The following MIR2052HG variants were observed in gnomAD, a reference collection of about 807,000 sequenced individuals.
MIR2052HG encodes MIR2052 host gene.
intron 2 of MIR2052HG, among the ~76,000 whole-genome samples, chr8:74,662,775 A>G (rs1305253924): frequency 6.6e-6 from 1 of 151,768 alleles, no homozygotes; most frequent in African/African-American, 2.4e-5. Flanking sequence ...GGAGGGGCTT[A>G]TGTGGGCACT....
chr8:74,664,012 T>A (rs1808893498), intron 2 of MIR2052HG, among the ~76,000 whole-genome samples: 2 of 152,124 alleles, frequency 1.3e-5, no homozygotes, highest in Admixed American at 1.3e-4. Context: ...CTAAGTGAAG[T>A]AATTCAGGAA....
At chr8:74,628,776 G>A (rs1216089739) in intron 2 of MIR2052HG, 4 of 152,118 alleles carry the variant, frequency 2.6e-5, no homozygotes, top group Non-Finnish European at 4.4e-5. Flanking sequence ...TAATTCAAGA[G>A]ACAATGAAAT....
At position 74,729,721 on chromosome 8, in the gene MIR2052HG, T is replaced by C. The variant is rs189983645; in HGVS notation, n.372-22720T>C. On this transcript the variant is annotated intron_variant and non_coding_transcript_variant, in intron 4 of 6. Transcript: ENST00000523442. ...GTCTCTTGAGCACATTAAAAATCCC[T>C]ATTACTTAAGGGAGATTTGCTATGC... 1.3e-3 allele frequency among the ~76,000 whole-genome samples: 196 copies of C among 152,306 alleles called. 1 individual carries two copies. In the East Asian group the frequency reaches 0.016, roughly 13 times the overall value.
At chr8:74,612,880 C>G (rs936356743) in exon 2 of MIR2052HG, 21 of 456,002 alleles carry the variant, frequency 4.6e-5, no homozygotes, top group Non-Finnish European at 7.9e-5. Flanking sequence ...GATCCAGAGA[C>G]AAAGGTGGCA....
intron 4 of MIR2052HG, among the ~76,000 whole-genome samples, chr8:74,723,125 T>C (rs976483335): frequency 3.8e-4 from 58 of 152,242 alleles, no homozygotes; most frequent in Non-Finnish European, 4.6e-4. Flanking sequence ...GAAAATGTCT[T>C]GCCTGTGTTT....
chr8:74,745,983 GC>G (rs1463745820), intron 4 of MIR2052HG, among the ~76,000 whole-genome samples: 3 of 152,136 alleles, frequency 2.0e-5, no homozygotes, highest in Non-Finnish European at 1.5e-5. Flanking sequence ...TGAGGCACTG[GC>G]TTTACTTGCT....
chr8:74,725,898 A>G (rs1369657613), intron 4 of MIR2052HG, among the ~76,000 whole-genome samples: 1 of 99,446 alleles, frequency 1.0e-5, no homozygotes, highest in Non-Finnish European at 2.5e-5. Flanking sequence ...AGGAGTGGGA[A>G]AAAAAACAGT....
At chr8:74,678,420 G>A (rs774946940) in intron 2 of MIR2052HG, among the ~76,000 whole-genome samples, 13 of 151,958 alleles carry the variant, frequency 8.6e-5, no homozygotes, top group East Asian at 3.9e-4. Context: ...AAAATTAGCC[G>A]GGTGTAGTGG....
chr8:74,704,741 TC>T (rs1383518635), intron 4 of MIR2052HG, among the ~76,000 whole-genome samples: 3 of 152,112 alleles, frequency 2.0e-5, no homozygotes, highest in Non-Finnish European at 4.4e-5. Flanking sequence ...TACTGAGATC[TC>T]CCAAATGGTT....
exon 4 of MIR2052HG, chr8:74,703,617 A>G (rs1473287896): frequency 6.6e-6 from 3 of 452,722 alleles, no homozygotes; most frequent in African/African-American, 2.0e-5. Flanking sequence ...TTGCTTATTG[A>G]ATATTACTGG....
chr8:74,685,392 G>A (rs1328212683), intron 2 of MIR2052HG, among the ~76,000 whole-genome samples: 5 of 152,208 alleles, frequency 3.3e-5, no homozygotes, highest in African/African-American at 9.6e-5. Flanking sequence ...TAAAGGGATC[G>A]CAGCTGGTTG....
chr8:74,629,890 G>A lies in MIR2052HG; in HGVS notation n.216+16950G>A, dbSNP rs143332311. ...TAAGCAAAGTCCACTCTCCTCTGCTGCAACTCAGCACCACCTTCTGATGTC... is the reference window on the plus strand; with the variant it reads ...TAAGCAAAGTCCACTCTCCTCTGCTACAACTCAGCACCACCTTCTGATGTC... On this transcript the variant is annotated intron_variant and non_coding_transcript_variant, in intron 2 of 6. Coordinates refer to ENST00000523442, the Ensembl canonical transcript of MIR2052HG. Among the ~76,000 whole-genome samples, 34 of 152,276 alleles carry A rather than the reference G, an allele frequency of 2.2e-4. No individual in the cohort carries two copies. In the East Asian group the frequency reaches 5.6e-3, roughly 25 times the overall value.
intron 2 of MIR2052HG, among the ~76,000 whole-genome samples, chr8:74,660,649 G>A (rs1346918090): frequency 6.6e-6 from 1 of 152,180 alleles, no homozygotes; most frequent in African/African-American, 2.4e-5. Context: ...AAAGGGTGTA[G>A]AGGACTTTCA....
intron 4 of MIR2052HG, among the ~76,000 whole-genome samples, chr8:74,726,582 A>T (rs1444968376): frequency 6.6e-6 from 1 of 152,238 alleles, no homozygotes; most frequent in African/African-American, 2.4e-5. Context: ...AAAGTAAATC[A>T]GATTAACTTG....
intron 2 of MIR2052HG, among the ~76,000 whole-genome samples, chr8:74,621,296 C>T (rs1382169930): frequency 1.3e-5 from 2 of 152,194 alleles, no homozygotes; most frequent in Non-Finnish European, 2.9e-5. Flanking sequence ...CCAATCTGTG[C>T]TTGTTACCCA....
chr8:74,649,431 A>C (rs1808729483), intron 2 of MIR2052HG, among the ~76,000 whole-genome samples: 1 of 152,172 alleles, frequency 6.6e-6, no homozygotes, highest in African/African-American at 2.4e-5. Flanking sequence ...AGAGGAAGAC[A>C]GTTCTAAAAA....
chr8:74,668,803 A>T (rs1207306670), intron 2 of MIR2052HG, among the ~76,000 whole-genome samples: 1 of 152,202 alleles, frequency 6.6e-6, no homozygotes, highest in East Asian at 1.9e-4. Flanking sequence ...GTTAATGGCA[A>T]ACTCAAGTGA....
At chr8:74,670,699 G>A (rs988146475) in intron 2 of MIR2052HG, among the ~76,000 whole-genome samples, 5 of 152,034 alleles carry the variant, frequency 3.3e-5, no homozygotes, top group Admixed American at 1.3e-4. Flanking sequence ...TCAGGAAGTT[G>A]GTATATGGTT....
At chr8:74,612,803 A>C (rs1334248886) in intron 1 of MIR2052HG, 20 of 437,066 alleles carry the variant, frequency 4.6e-5, no homozygotes, top group South Asian at 3.1e-4. Flanking sequence ...TAAAAGAAGC[A>C]GGAAAAATAA....
Sources: gnomAD v4.1 joint callset for allele counts (sites outside exome capture counted in the v4.1 genomes callset) on GRCh38, gnomAD v4.1.1 for gene constraint, MANE v1.5 for transcripts, NCBI Gene and HGNC (gene_info 2026-07-23, HGNC 2026-07-21) for gene names.